The following FLG variants were observed in gnomAD, a reference collection of about 807,000 sequenced individuals.
FLG encodes epidermal filaggrin.
FLG carries 6 observed loss-of-function variants against 3.8 expected under a neutral mutation model. That is an observed-to-expected ratio of 1.60 (90% confidence interval 0.87 to 3.15). The LOEUF (loss-of-function observed/expected upper bound fraction) is 3.15. Ranked by LOEUF, FLG falls within the 30% of genes most tolerant of loss-of-function variation. The probability of loss-of-function intolerance (pLI) is 0.00; values close to 1 mark genes in which losing one functional copy is unlikely to be tolerated. For synonymous variants in FLG, 2,551 were observed against 1,931.6 expected, an observed-to-expected ratio of 1.32 and a Z score of -8.41; for missense variants, 7,595 against 5,050.9, an observed-to-expected ratio of 1.50 and a Z score of -15.27.
At position 152,310,560 on chromosome 1, in the gene FLG, G is replaced by T; in HGVS notation, c.4326C>A (p.Leu1442=). Residue 1442 remains leucine, a synonymous_variant, in exon 3 of 3, where the codon CTC becomes CTA. Coordinates refer to ENST00000368799, the MANE Select transcript of FLG (RefSeq NM_002016.2). ...ACTGTTCATGAGAGCTCACCTGGTA[G>T]AGGAAAGACCTTGAACGTCCAGAGC... The part of the protein sequence containing the change: ...GESSGRSRSF[L]YQVSSHEQSE... The T allele has an allele frequency of 1.9e-6, 3 of 1,613,914 alleles. No individual in the cohort carries two copies. The highest frequency in any genetic ancestry group is 2.7e-5 in the African/African-American group (2 of 74,980).
chr1:152,319,484 A>G (rs1652887729), intron 1 of FLG, among the ~76,000 whole-genome samples: 1 of 151,432 alleles, frequency 6.6e-6, no homozygotes, highest in Admixed American at 6.6e-5. Context: ...GTTCAAAACG[A>G]TATTATAAAC....
Position 152,308,633 on chromosome 1 carries a change from C to T in FLG, c.6253G>A (p.Gly2085Arg). 6.2e-7 allele frequency: 1 copy of T among 1,614,126 alleles called. No individual in the cohort carries two copies. Among genetic ancestry groups the T allele is most frequent in the Non-Finnish European group, 8.5e-7 (1 of 1,180,004 alleles). ...SARGQSGESS[G>R]RSGSFLYQVS... ...TGGTAGAGGAAAGACCCTGAACGTC[C>T]AGAGCTTTCCCCTGACTGGCCACGT... Residue 2085 changes from glycine (G) to arginine (R), a missense_variant, in exon 3 of 3, where the codon GGA (glycine) becomes AGA (arginine). Gly to Arg is a moderately radical substitution (Grantham distance 125). Coordinates refer to ENST00000368799, the MANE Select transcript of FLG (RefSeq NM_002016.2).
At position 152,311,784 on chromosome 1, in the gene FLG, T is replaced by C. The variant is rs1437394718; in HGVS notation, c.3102A>G (p.Gly1034=). 1 of 1,614,114 alleles carries C rather than the reference T, an allele frequency of 6.2e-7. No homozygotes were observed. The highest frequency in any genetic ancestry group is 2.2e-5 in the East Asian group (1 of 44,852). Residue 1034 remains glycine, a synonymous_variant, in exon 3 of 3, where the codon GGA becomes GGG. Coordinates refer to ENST00000368799, the MANE Select transcript of FLG (RefSeq NM_002016.2). ...TGTCTGCTGACTGCTGGTGGCGGGA[T>C]CCGTGTCTTTCTCCTGGACTTGATC... ...QARSSPGERH[G]SRHQQSADSS...
In FLG at chr1:152,305,013, A is replaced by G. The variant is rs1221317438; in HGVS notation, c.9873T>C (p.His3291=). ...TSSGGQAASS[H]EQARSSPGER... Reference sequence around the variant, plus strand: ...CTCCTGGACTTGATCTTGCCTGTTCATGGGATGATGCAGCCTGTCCACCAG... The same window carrying G: ...CTCCTGGACTTGATCTTGCCTGTTCGTGGGATGATGCAGCCTGTCCACCAG... The change falls in exon 3 of 3, where the codon CAT becomes CAC. Residue 3291 remains histidine, a synonymous_variant. Coordinates refer to ENST00000368799, the MANE Select transcript of FLG (RefSeq NM_002016.2). 4 of 1,613,650 alleles carry G rather than the reference A, an allele frequency of 2.5e-6. No homozygotes were observed. Among genetic ancestry groups the G allele is most frequent in the South Asian group, 1.1e-5 (1 of 91,016 alleles).
In FLG at chr1:152,304,901, C is replaced by G. The variant is rs755680668; in HGVS notation, c.9985G>C (p.Asp3329His). The stretch of plus-strand genomic sequence containing the variant: ...CCACTGGACCCCCAGTGTCTACTGT[C>G]TCTGACTGCAGATGAAGCTTGTCCA... ...PRGQASSAVRDSRHWGSSGSQ... is the reference protein window; with the variant it reads ...PRGQASSAVRHSRHWGSSGSQ... Residue 3329 changes from aspartate (D) to histidine (H), a missense_variant, in exon 3 of 3, where the codon GAC (aspartate) becomes CAC (histidine). Physicochemically the swap from Asp to His is moderately conservative, Grantham distance 81. Transcript: ENST00000368799. The G allele has an allele frequency of 3.1e-6, 5 of 1,613,774 alleles. No homozygotes were observed. The highest frequency in any genetic ancestry group is 1.1e-5 in the South Asian group (1 of 91,016).
At position 152,302,993 on chromosome 1, in the gene FLG, T is replaced by C; in HGVS notation, c.11893A>G (p.Arg3965Gly). Residue 3965 changes from arginine (R) to glycine (G), a missense_variant, in exon 3 of 3, where the codon AGG becomes GGG. Transcript: ENST00000368799. ...SYHYQSEGTE[R>G]QKGQSGLVWR... ...ACTAAACCTGATTGACCTTTTTGCC[T>C]TTCAGTGCCCTCAGATTGATAATGA... 6.2e-7 allele frequency: 1 copy of C among 1,614,188 alleles called. No individual in the cohort carries two copies.
intron 1 of FLG, among the ~76,000 whole-genome samples, chr1:152,315,875 A>G (rs1652772057): frequency 6.6e-6 from 1 of 152,240 alleles, no homozygotes; most frequent in African/African-American, 2.4e-5. Flanking sequence ...AACTTAATAA[A>G]TGATTAATTT....
rs149040723 is a variant in FLG at position 152,305,136 on chromosome 1, G to T, written c.9750C>A (p.Gly3250=). ...CGTGATGGGACCTGGGGTGTCTGGA[G>T]CCGTGCCTTGACTGCTCCTGAACAG... is the stretch of plus-strand genomic sequence containing the variant. The part of the protein sequence containing the change: ...RGSVQEQSRH[G]SRHPRSHHED... Residue 3250 remains glycine, a synonymous_variant, in exon 3 of 3, where the codon GGC becomes GGA. Transcript: ENST00000368799. 2.2e-4 allele frequency: 350 copies of T among 1,613,812 alleles called. 2 individuals are homozygous for T. Among genetic ancestry groups the T allele is most frequent in the Admixed American group, 6.7e-4 (40 of 59,978 alleles).
Position 152,305,879 on chromosome 1 carries a change from C to T in FLG, c.9007G>A (p.Val3003Ile), listed in dbSNP as rs1651924081. 8.2e-7 allele frequency: 1 copy of T among 1,222,396 alleles called. No individual in the cohort carries two copies. Among genetic ancestry groups the T allele is most frequent in the Admixed American group, 2.1e-5 (1 of 47,356 alleles). The allele number at this position is 1,222,396 out of a possible 1,614,324, so 75.7% of individuals were successfully genotyped here. A position where few individuals can be genotyped will look rare whatever the true frequency, so the allele number is the denominator to read the frequency against. ...TACCCTCGGTGTCCACTGTCTCTGACTGCAGATGAAGCTTGTCCGTGCCCA... is the reference window on the plus strand; with the variant it reads ...TACCCTCGGTGTCCACTGTCTCTGATTGCAGATGAAGCTTGTCCGTGCCCA... The part of the protein sequence containing the change: ...GIGHGQASSA[V>I]RDSGHRGYSG... The change falls in exon 3 of 3, where the codon GTC (valine) becomes ATC (isoleucine). Residue 3003 changes from valine (V) to isoleucine (I), a missense_variant. Transcript: ENST00000368799.
rs1488061279 is a variant in FLG, at chr1:152,313,256, A to C, written c.1630T>G (p.Ser544Ala). 8.1e-6 allele frequency: 13 copies of C among 1,613,636 alleles called. No homozygotes were observed. Among genetic ancestry groups the C allele is most frequent in the Non-Finnish European group, 1.1e-5 (13 of 1,179,940 alleles). Residue 544 changes from serine to alanine, a missense_variant, in exon 3 of 3, where the codon TCC becomes GCC. Coordinates refer to ENST00000368799, the MANE Select transcript of FLG (RefSeq NM_002016.2). The part of the protein sequence containing the change: ...QSVNRSGHSG[S>A]HHSHTTSQGR... ...TGGGATGTGGTGTGGCTGTGATGGG[A>C]ACCTGAGTGTCCAGACCTATTTACC...
chr1:152,317,673 A>G (rs1442722832), intron 1 of FLG, among the ~76,000 whole-genome samples: 1 of 151,850 alleles, frequency 6.6e-6, no homozygotes, highest in African/African-American at 2.4e-5. Flanking sequence ...ATCTAGTTCT[A>G]TATAACTTTT....
chr1:152,312,381 T>A lies in FLG; in HGVS notation c.2505A>T (p.Gln835His), dbSNP rs770478639. 6.2e-7 allele frequency: 1 copy of A among 1,611,872 alleles called. No homozygotes were observed. The highest frequency in any genetic ancestry group is 8.5e-7 in the Non-Finnish European group (1 of 1,179,400). The change falls in exon 3 of 3, where the codon CAA becomes CAT. Residue 835 changes from glutamine to histidine, a missense_variant. Physicochemically the swap from Gln to His is conservative, Grantham distance 24. Transcript: ENST00000368799. ...ARDNSRHSAS[Q>H]DGQDTIRGHP... ...GTCCACGAATGGTGTCCTGACCATCTTGGGATGCTGAGTGCCTGGAGTTGT... is the reference window on the plus strand; with the variant it reads ...GTCCACGAATGGTGTCCTGACCATCATGGGATGCTGAGTGCCTGGAGTTGT...
At position 152,309,954 on chromosome 1, in the gene FLG, C is replaced by A; in HGVS notation, c.4932G>T (p.Gly1644=). The A allele has an allele frequency of 6.2e-7, 1 of 1,614,036 alleles. No homozygotes were observed. The highest frequency in any genetic ancestry group is 8.5e-7 in the Non-Finnish European group (1 of 1,180,014). ...ATTGTCTGGAGCTCTCTGCAGAGTG[C>A]CCATGACTGGCTCTATCTTCTTGAT... is the stretch of plus-strand genomic sequence containing the variant. The part of the protein sequence containing the change: ...RSHQEDRASH[G]HSAESSRQSG... The change falls in exon 3 of 3, where the codon GGG becomes GGT. Residue 1644 remains glycine, a synonymous_variant. Transcript: ENST00000368799.
At position 152,308,793 on chromosome 1, in the gene FLG, G is replaced by C; in HGVS notation, c.6093C>G (p.Val2031=). 1 of 1,614,162 alleles carries C rather than the reference G, an allele frequency of 6.2e-7. No individual in the cohort carries two copies. The highest frequency in any genetic ancestry group is 8.5e-7 in the Non-Finnish European group (1 of 1,180,020). Residue 2031 remains valine, a synonymous_variant, in exon 3 of 3, where the codon GTC becomes GTG. Transcript: ENST00000368799. The part of the protein sequence containing the change: ...GIGHGQASSA[V]RDSGHRGYSG... ...TGTACCCTCGGTGTCCACTGTCTCT[G>C]ACTGCAGATGAAGCTTGTCCATGCC...
chr1:152,319,348 G>T (rs1186506446), intron 1 of FLG, among the ~76,000 whole-genome samples: 1 of 149,844 alleles, frequency 6.7e-6, no homozygotes, highest in African/African-American at 2.5e-5. Context: ...GTGTTTGAAG[G>T]TATCACAGAG....
In FLG at chr1:152,314,132, C is replaced by T. The variant is rs147854910; in HGVS notation, c.754G>A (p.Glu252Lys). 80 of 1,614,136 alleles carry T rather than the reference C, an allele frequency of 5.0e-5. No individual in the cohort carries two copies. The Admixed American group carries it at 6.8e-4, about 14-fold the overall frequency. Residue 252 changes from glutamate (E) to lysine (K), a missense_variant, in exon 3 of 3, where the codon GAA becomes AAA. Transcript: ENST00000368799. ...EAYDTTDSLL[E>K]ENKIYERSRS... is the part of the protein sequence containing the mutation. ...GATCTTTCATATATTTTGTTTTCTT[C>T]TAATAGACTATCAGTGGTGTCATAG... is the stretch of plus-strand genomic sequence containing the variant.
Position 152,305,313 on chromosome 1 carries a change from G to C in FLG, c.9573C>G (p.Ile3191Met). The change falls in exon 3 of 3, where the codon ATC becomes ATG. Residue 3191 changes from isoleucine (I) to methionine (M), a missense_variant. Physicochemically the swap from Ile to Met is conservative, Grantham distance 10. Transcript: ENST00000368799. ...CCTGGACTGCCTGTGAGTGTCTAGA[G>C]ATGTCGGCATGAGTGGAAGCTTCAT... ...RHHEASTHADISRHSQAVQGQ... is the reference protein window; with the variant it reads ...RHHEASTHADMSRHSQAVQGQ... The C allele has an allele frequency of 6.2e-7, 1 of 1,611,082 alleles. No homozygotes were observed. The highest frequency in any genetic ancestry group is 1.1e-5 in the South Asian group (1 of 90,646).
rs751489934 is a variant in FLG, at chr1:152,310,277, G to T, written c.4609C>A (p.Pro1537Thr). ...CTTGTTTGCCTGCTTGCACTTCTGGGTCCTGACTGCCCATGGGAGGCATCA... is the reference window on the plus strand; with the variant it reads ...CTTGTTTGCCTGCTTGCACTTCTGGTTCCTGACTGCCCATGGGAGGCATCA... ...RSDASHGQSG[P>T]RSASRQTRNE... is the part of the protein sequence containing the mutation. The change falls in exon 3 of 3, where the codon CCC becomes ACC. Residue 1537 changes from proline to threonine, a missense_variant. Transcript: ENST00000368799. 3 of 1,613,476 alleles carry T rather than the reference G, an allele frequency of 1.9e-6. No homozygotes were observed. The highest frequency in any genetic ancestry group is 2.2e-5 in the South Asian group (2 of 91,048).
rs776914524 is a variant in FLG at position 152,312,097 on chromosome 1, T to G, written c.2789A>C (p.Gln930Pro). ...TGTCCTGGACCCCTCTGATTGTCCC[T>G]GGCCTGCCTGTGAGTGTCTAGAGAT... The part of the protein sequence containing the change: ...ADISRHSQAG[Q>P]GQSEGSRTSR... Residue 930 changes from glutamine to proline, a missense_variant, in exon 3 of 3, where the codon CAG becomes CCG. Coordinates refer to ENST00000368799, the MANE Select transcript of FLG (RefSeq NM_002016.2). 5 of 1,614,032 alleles carry G rather than the reference T, an allele frequency of 3.1e-6. No individual in the cohort carries two copies. In the African/African-American group the frequency reaches 5.3e-5, roughly 17 times the overall value.
Sources: allele counts gnomAD v4.1 joint callset (sites outside exome capture counted in the v4.1 genomes callset), GRCh38; gene constraint gnomAD v4.1.1; transcripts MANE v1.5; gene names NCBI Gene and HGNC (gene_info 2026-07-23, HGNC 2026-07-21).